The following ITPRID1 variants were observed in gnomAD, a reference collection of about 807,000 sequenced individuals.
The protein encoded by ITPRID1 is protein ITPRID1.
Under a neutral mutation model 95.4 loss-of-function variants are expected in ITPRID1, and 96 were observed. That is an observed-to-expected ratio of 1.01 (90% CI 0.85 to 1.19). The LOEUF is 1.19. Ranked by LOEUF, ITPRID1 falls within the 50% of genes most tolerant of loss-of-function variation. The pLI is 0.00. For synonymous variants in ITPRID1, 510 were observed against 453.6 expected, an observed-to-expected ratio of 1.12 and a Z score of -1.58; for missense variants, 1,339 against 1,252.9, an observed-to-expected ratio of 1.07 and a Z score of -1.04.
intron 1 of ITPRID1, among the ~76,000 whole-genome samples, chr7:31,544,516 A>G (rs1784033918): frequency 6.6e-6 from 1 of 152,156 alleles, no homozygotes; most frequent in African/African-American, 2.4e-5. Flanking sequence ...CCCATCTTCA[A>G]GGACCAGAAC....
At chr7:31,530,322 T>A (rs1289154257) in intron 1 of ITPRID1, among the ~76,000 whole-genome samples, 2 of 152,210 alleles carry the variant, frequency 1.3e-5, no homozygotes, top group African/African-American at 4.8e-5. Flanking sequence ...ACTTTCTCAT[T>A]TTTAATTAAT....
At chr7:31,547,155 C>T (rs10239512) in intron 1 of ITPRID1, among the ~76,000 whole-genome samples, 49,866 of 151,084 alleles carry the variant, frequency 0.33, 9,502 homozygotes, top group Non-Finnish European at 0.42. Context: ...AAGGTGTGGA[C>T]AGTACTGCAG....
intron 10 of ITPRID1, among the ~76,000 whole-genome samples, chr7:31,641,286 A>G (rs1789991985): frequency 6.6e-6 from 1 of 152,166 alleles, no homozygotes; most frequent in Non-Finnish European, 1.5e-5. Context: ...CAAGCATTGT[A>G]TCTATGGACA....
rs70986698 is a variant in ITPRID1, at chr7:31,654,053, CAAAA to C, written c.*1240_*1243del. Among the ~76,000 whole-genome samples, 20 of 130,330 alleles carry C rather than the reference CAAAA, an allele frequency of 1.5e-4. No homozygotes were observed. The highest frequency in any genetic ancestry group is 2.6e-4 in the Non-Finnish European group (16 of 61,584). 85.5% of individuals were successfully genotyped at this position (130,330 alleles called of 152,430 possible). On this transcript the variant is annotated 3_prime_UTR_variant, in exon 15 of 15. Coordinates refer to ENST00000615280, the MANE Select transcript of ITPRID1 (RefSeq NM_001257967.3). Reference sequence around the variant, plus strand: ...GAAAGAGTTGGATGAAGAGTAAGTCCAAAAAAAAAAAAAAAAAAACCAACAAGCA... The same window carrying C: ...GAAAGAGTTGGATGAAGAGTAAGTCCAAAAAAAAAAAAAAACCAACAAGCA...
chr7:31,629,045 AC>A (rs1414865519), intron 10 of ITPRID1, among the ~76,000 whole-genome samples: 1 of 152,066 alleles, frequency 6.6e-6, no homozygotes, highest in Non-Finnish European at 1.5e-5. Context: ...AAAATTTGAA[AC>A]CTATCTATTG....
intron 9 of ITPRID1, among the ~76,000 whole-genome samples, chr7:31,579,459 A>G (rs993852961): frequency 6.6e-6 from 1 of 152,162 alleles, no homozygotes; most frequent in Admixed American, 6.5e-5. Flanking sequence ...TTGAAAAGGG[A>G]ACTACAGAGA....
chr7:31,579,360 C>T (rs2128147552), intron 9 of ITPRID1, among the ~76,000 whole-genome samples: 1 of 152,228 alleles, frequency 6.6e-6, no homozygotes, highest in African/African-American at 2.4e-5. Flanking sequence ...AAAAGTAGGG[C>T]AGGATATTTA....
chr7:31,549,224 A>G (rs1157909410), intron 1 of ITPRID1, among the ~76,000 whole-genome samples: 1 of 152,142 alleles, frequency 6.6e-6, no homozygotes, highest in African/African-American at 2.4e-5. Context: ...TCTGATAAGC[A>G]CCTCTAACTC....
At chr7:31,570,725 G>A (rs575199701) in intron 6 of ITPRID1, among the ~76,000 whole-genome samples, 1 of 152,242 alleles carries the variant, frequency 6.6e-6, no homozygotes, top group South Asian at 2.1e-4. Context: ...GTGCTTCCAG[G>A]CTTTATTACA....
Position 31,572,094 on chromosome 7 carries a change from A to T in ITPRID1, c.309-8A>T, listed in dbSNP as rs1785010559. ...CACATCTCATTGTTGATATTTTCCC[A>T]ACTGTAGATCTTTGCATCAGTTTTC... is the stretch of plus-strand genomic sequence containing the variant. On this transcript the variant is annotated splice_region_variant and splice_polypyrimidine_tract_variant and intron_variant, in intron 6 of 14. Coordinates refer to ENST00000615280, the MANE Select transcript of ITPRID1 (RefSeq NM_001257967.3). The T allele has an allele frequency of 6.3e-7, 1 of 1,584,466 alleles. No homozygotes were observed.
At chr7:31,548,114 G>A (rs147086869) in intron 1 of ITPRID1, among the ~76,000 whole-genome samples, 197 of 152,134 alleles carry the variant, frequency 1.3e-3, no homozygotes, top group African/African-American at 4.6e-3. Context: ...AGAGGTGATG[G>A]GGGATGTTTG....
chr7:31,632,814 T>C (rs1789133051), intron 10 of ITPRID1, among the ~76,000 whole-genome samples: 1 of 152,194 alleles, frequency 6.6e-6, no homozygotes. Flanking sequence ...ACAAACAGCC[T>C]GAAAAGCCTG....
rs528293052 is a variant in ITPRID1, at chr7:31,615,211, A to C, written c.1229-26965A>C. 2.6e-5 allele frequency among the ~76,000 whole-genome samples: 4 copies of C among 152,220 alleles called. No homozygotes were observed. In the South Asian group the frequency reaches 8.3e-4, roughly 32 times the overall value. ...TTTCCCATTTAGTCTTTGGACATGGATATAGGGCTGACTAGTGAAAAATCA... is the reference window on the plus strand; with the variant it reads ...TTTCCCATTTAGTCTTTGGACATGGCTATAGGGCTGACTAGTGAAAAATCA... On this transcript the variant is annotated intron_variant, in intron 10 of 14. Coordinates refer to ENST00000615280, the MANE Select transcript of ITPRID1 (RefSeq NM_001257967.3).
At position 31,655,190 on chromosome 7, in the gene ITPRID1, C is replaced by T. The variant is rs1791237758; in HGVS notation, c.*2361C>T. ...TTGGCTAAAGCTGACCTGGTCATTG[C>T]CCCAACTCAGTTCATCTTCCTGATC... On this transcript the variant is annotated 3_prime_UTR_variant, in exon 15 of 15. Transcript: ENST00000615280. Among the ~76,000 whole-genome samples the T allele has an allele frequency of 6.6e-6, 1 of 152,108 alleles. No homozygotes were observed. Among genetic ancestry groups the T allele is most frequent in the Non-Finnish European group, 1.5e-5 (1 of 68,012 alleles).
intron 1 of ITPRID1, among the ~76,000 whole-genome samples, chr7:31,532,897 A>G (rs1006682159): frequency 6.6e-6 from 1 of 152,170 alleles, no homozygotes; most frequent in Non-Finnish European, 1.5e-5. Flanking sequence ...TATCCATTTT[A>G]CATATGGCTG....
At chr7:31,616,165 T>TAAGAA (rs1562611406) in intron 10 of ITPRID1, among the ~76,000 whole-genome samples, 1 of 151,474 alleles carries the variant, frequency 6.6e-6, no homozygotes, top group African/African-American at 2.4e-5. Context: ...ATTCTTACAG[T>TAAGAA]TTTCAAGAAT....
chr7:31,626,606 G>C (rs1386746033), intron 10 of ITPRID1, among the ~76,000 whole-genome samples: 1 of 152,050 alleles, frequency 6.6e-6, no homozygotes, highest in African/African-American at 2.4e-5. Context: ...ATAGTTTTTA[G>C]CATTTGAATC....
chr7:31,591,920 A>G (rs1189053441), intron 10 of ITPRID1, among the ~76,000 whole-genome samples: 1 of 152,240 alleles, frequency 6.6e-6, no homozygotes, highest in Admixed American at 6.5e-5. Flanking sequence ...AATAAAATGT[A>G]TAAAGTAGAA....
intron 10 of ITPRID1, among the ~76,000 whole-genome samples, chr7:31,626,091 G>A (rs2128186855): frequency 6.6e-6 from 1 of 152,236 alleles, no homozygotes; most frequent in East Asian, 1.9e-4. Flanking sequence ...AAGTTCAAGT[G>A]GGTTGTAAAC....
Sources: allele counts gnomAD v4.1 joint callset (sites outside exome capture counted in the v4.1 genomes callset), GRCh38; gene constraint gnomAD v4.1.1; transcripts MANE v1.5; gene names NCBI Gene and HGNC (gene_info 2026-07-23, HGNC 2026-07-21).